XPR1: variants seen among roughly 807,000 people sequenced by gnomAD.
XPR1 encodes solute carrier family 53 member 1.
In XPR1, 28 loss-of-function variants were observed where a neutral mutation model predicts 87.5. That is an observed-to-expected ratio of 0.32 (90% CI 0.24 to 0.44). The LOEUF is 0.44. XPR1 is among the 20% of genes least tolerant of loss of function. XPR1 has a pLI of 1.00. For missense variants in XPR1, 559 were observed against 862.3 expected, an observed-to-expected ratio of 0.65 and a Z score of 4.41; for synonymous variants, 300 against 306.1, an observed-to-expected ratio of 0.98 and a Z score of 0.21.
intron 3 of XPR1, among the ~76,000 whole-genome samples, chr1:180,797,074 A>T (rs1432948749): frequency 6.6e-6 from 1 of 152,158 alleles, no homozygotes; most frequent in Non-Finnish European, 1.5e-5. Flanking sequence ...AATGTTCTAA[A>T]ATTGGATTTT....
At chr1:180,817,924 T>G (rs951520913) in intron 7 of XPR1, among the ~76,000 whole-genome samples, 1 of 152,008 alleles carries the variant, frequency 6.6e-6, no homozygotes, top group African/African-American at 2.4e-5. Context: ...ATGTAACACT[T>G]AAATTCAAAA....
intron 9 of XPR1, among the ~76,000 whole-genome samples, chr1:180,830,893 C>G (rs73034745): frequency 6.6e-6 from 1 of 152,168 alleles, no homozygotes; most frequent in Non-Finnish European, 1.5e-5. Flanking sequence ...GAGTCTGTGT[C>G]GGTCTTCTGT....
At chr1:180,880,655 C>T (rs1177822438) in intron 14 of XPR1, among the ~76,000 whole-genome samples, 2 of 152,130 alleles carry the variant, frequency 1.3e-5, no homozygotes, top group African/African-American at 2.4e-5. Context: ...TATGCCTTGA[C>T]CAAATGACTT....
Position 180,829,067 on chromosome 1 carries a change from G to A in XPR1, c.1134+3723G>A, listed in dbSNP as rs528064822. Among the ~76,000 whole-genome samples, 12 of 152,120 alleles carry A rather than the reference G, an allele frequency of 7.9e-5. No homozygotes were observed. In the East Asian group the frequency reaches 1.7e-3, roughly 22 times the overall value. On this transcript the variant is annotated intron_variant, in intron 9 of 14. Transcript: ENST00000367590. Reference sequence around the variant, plus strand: ...AAAAATTAGTGGGGCATGGTGGCACGCATCTGTAGCCCCAGTTACTTGGGA... The same window carrying A: ...AAAAATTAGTGGGGCATGGTGGCACACATCTGTAGCCCCAGTTACTTGGGA...
At chr1:180,872,998 A>G (rs1407585261) in intron 12 of XPR1, among the ~76,000 whole-genome samples, 5 of 151,708 alleles carry the variant, frequency 3.3e-5, no homozygotes, top group African/African-American at 1.2e-4. Flanking sequence ...AATGACTAGT[A>G]TTACTTTGTT....
At chr1:180,831,390 G>T (rs2102161743) in intron 9 of XPR1, among the ~76,000 whole-genome samples, 2 of 86,252 alleles carry the variant, frequency 2.3e-5, no homozygotes, top group African/African-American at 4.1e-5. Flanking sequence ...TTGATAACAT[G>T]GGTGAATTTC....
At chr1:180,656,663 TTTA>T (rs1557941927) in intron 1 of XPR1, among the ~76,000 whole-genome samples, 4 of 120,418 alleles carry the variant, frequency 3.3e-5, no homozygotes, top group Non-Finnish European at 6.7e-5. Context: ...TAATATATAA[TTTA>T]TATTATATAT....
At chr1:180,662,944 A>G (rs528764416) in intron 1 of XPR1, among the ~76,000 whole-genome samples, 1 of 152,136 alleles carries the variant, frequency 6.6e-6, no homozygotes, top group South Asian at 2.1e-4. Context: ...TGTCAGTTGC[A>G]TTTTCAACTC....
rs12041304 is a variant in XPR1, at chr1:180,653,661, C to A, written c.69+21391C>A. Among the ~76,000 whole-genome samples the A allele has an allele frequency of 1.6e-4, 24 of 152,118 alleles. No individual in the cohort carries two copies. In the East Asian group the frequency reaches 4.4e-3, roughly 28 times the overall value. On this transcript the variant is annotated intron_variant, in intron 1 of 14. Coordinates refer to ENST00000367590, the MANE Select transcript of XPR1 (RefSeq NM_004736.4). ...CTATGATAAAGTTTAATAAATTAGGCACAATAAGAGATTAACAACAATTAA... is the reference window on the plus strand; with the variant it reads ...CTATGATAAAGTTTAATAAATTAGGAACAATAAGAGATTAACAACAATTAA...
intron 10 of XPR1, among the ~76,000 whole-genome samples, chr1:180,835,358 T>G (rs1389065662): frequency 6.6e-6 from 1 of 152,112 alleles, no homozygotes; most frequent in Non-Finnish European, 1.5e-5. Context: ...GTTGTCTCAC[T>G]ATTGCTGTAT....
chr1:180,679,677 G>A (rs1360950521), intron 1 of XPR1, among the ~76,000 whole-genome samples: 2 of 152,160 alleles, frequency 1.3e-5, no homozygotes, highest in Non-Finnish European at 2.9e-5. Context: ...CCTAAATATG[G>A]TTGTTAGCTA....
intron 1 of XPR1, among the ~76,000 whole-genome samples, chr1:180,671,653 T>TA (rs1010529229): frequency 6.6e-5 from 10 of 152,128 alleles, no homozygotes; most frequent in African/African-American, 2.2e-4. Context: ...GCCTTGGGAT[T>TA]ACATGTGTCA....
chr1:180,749,542 G>GATA (rs1487849603), intron 2 of XPR1, among the ~76,000 whole-genome samples: 1 of 151,584 alleles, frequency 6.6e-6, no homozygotes, highest in African/African-American at 2.4e-5. Context: ...CTGGCTCTAT[G>GATA]AAGTTACAAA....
chr1:180,834,906 A>C lies in XPR1; in HGVS notation c.1167A>C (p.Val389=). 1 of 1,613,432 alleles carries C rather than the reference A, an allele frequency of 6.2e-7. No individual in the cohort carries two copies. Among genetic ancestry groups the C allele is most frequent in the Non-Finnish European group, 8.5e-7 (1 of 1,179,740 alleles). The change falls in exon 10 of 15, where the codon GTA becomes GTC. Residue 389 remains valine (V), a synonymous_variant. Coordinates refer to ENST00000367590, the MANE Select transcript of XPR1 (RefSeq NM_004736.4). ...TATTTACAGCCCCCTTCCATAAGGT[A>C]GGCTTTGCTGATTTCTGGCTGGCGG... ...FRVFTAPFHK[V]GFADFWLADQ... is the part of the protein sequence containing the mutation.
intron 2 of XPR1, among the ~76,000 whole-genome samples, chr1:180,755,022 G>A (rs956646114): frequency 6.6e-6 from 1 of 152,144 alleles, no homozygotes; most frequent in Non-Finnish European, 1.5e-5. Context: ...ATGGGAACCA[G>A]GTTTCTAACT....
chr1:180,683,239 G>A (rs1246959753), intron 2 of XPR1, among the ~76,000 whole-genome samples: 1 of 151,736 alleles, frequency 6.6e-6, no homozygotes, highest in East Asian at 1.9e-4. Context: ...CCTTGCGATA[G>A]TTTGCTGAGA....
At chr1:180,686,656 C>G (rs147292694) in intron 2 of XPR1, among the ~76,000 whole-genome samples, 103 of 151,588 alleles carry the variant, frequency 6.8e-4, no homozygotes, top group African/African-American at 2.3e-3. Flanking sequence ...GAGTTGAGTG[C>G]AAAAAAATAT....
chr1:180,839,412 A>G (rs909209580), intron 11 of XPR1, among the ~76,000 whole-genome samples: 11 of 152,238 alleles, frequency 7.2e-5, no homozygotes, highest in Non-Finnish European at 1.5e-5. Context: ...ATTGTTAGGA[A>G]AATAAAAATA....
intron 2 of XPR1, among the ~76,000 whole-genome samples, chr1:180,750,876 G>A (rs1002129016): frequency 1.3e-5 from 2 of 151,964 alleles, no homozygotes; most frequent in Admixed American, 6.5e-5. Context: ...TCTAGTCCAC[G>A]AACATGATAC....
Sources: gnomAD v4.1 joint callset for allele counts (sites outside exome capture counted in the v4.1 genomes callset) on GRCh38, gnomAD v4.1.1 for gene constraint, MANE v1.5 for transcripts, NCBI Gene and HGNC (gene_info 2026-07-23, HGNC 2026-07-21) for gene names.